Variants in EYS observed in about 807,000 individuals in gnomAD.
EYS encodes EGF-like photoreceptor maintenance factor.
In EYS, 250 loss-of-function variants were observed where a neutral mutation model predicts 282.1. The observed-to-expected ratio is 0.89, with a 90% CI of 0.80 to 0.98. EYS has a LOEUF of 0.98. Ranked by LOEUF, EYS falls within the 50% of genes least tolerant of loss-of-function variation. The pLI, the probability that EYS is intolerant of heterozygous loss-of-function variation, is 0.00. For synonymous variants in EYS, 1,355 were observed against 1,282.9 expected, an observed-to-expected ratio of 1.06 and a Z score of -1.20; for missense variants, 4,016 against 3,709.0, an observed-to-expected ratio of 1.08 and a Z score of -2.15.
intron 28 of EYS, among the ~76,000 whole-genome samples, chr6:64,411,112 G>T (rs1015948409): frequency 2.0e-5 from 3 of 152,036 alleles, no homozygotes; most frequent in Non-Finnish European, 4.4e-5. Flanking sequence ...CTTCCTTAAA[G>T]GGATGTTGAA....
intron 29 of EYS, among the ~76,000 whole-genome samples, chr6:64,374,393 T>C (rs1772497179): frequency 6.6e-6 from 1 of 151,700 alleles, no homozygotes; most frequent in African/African-American, 2.4e-5. Context: ...GTTCTCTGCT[T>C]CAGTGTAGAA....
intron 28 of EYS, among the ~76,000 whole-genome samples, chr6:64,405,459 G>C (rs148584094): frequency 6.6e-6 from 1 of 152,110 alleles, no homozygotes; most frequent in Non-Finnish European, 1.5e-5. Context: ...ATTCAACATA[G>C]TATTAGAAGT....
chr6:65,212,157 A>G (rs1478307643), intron 12 of EYS, among the ~76,000 whole-genome samples: 1 of 152,134 alleles, frequency 6.6e-6, no homozygotes, highest in Non-Finnish European at 1.5e-5. Flanking sequence ...AAAGTTTTGT[A>G]ATAATGCCAT....
chr6:64,720,302 C>A (rs989033943), intron 22 of EYS, among the ~76,000 whole-genome samples: 1 of 152,140 alleles, frequency 6.6e-6, no homozygotes, highest in African/African-American at 2.4e-5. Flanking sequence ...TTCCTGCATC[C>A]TTCTTATGAG....
intron 30 of EYS, among the ~76,000 whole-genome samples, chr6:64,231,940 T>C (rs1380705717): frequency 6.6e-6 from 1 of 152,194 alleles, no homozygotes; most frequent in Admixed American, 6.5e-5. Context: ...TTTTATTTTA[T>C]ACCTTGTCAT....
rs764859034 is a variant in EYS at position 63,781,310 on chromosome 6, A to AT, written c.7724-3131dup. On this transcript the variant is annotated intron_variant, in intron 39 of 42. Coordinates refer to ENST00000503581, the MANE Select transcript of EYS (RefSeq NM_001142800.2). The stretch of plus-strand genomic sequence containing the variant: ...GAAAGTCATTGGTAGCTTGATGGGG[A>AT]TGACATTAAATCTATAAATTACCTT... Among the ~76,000 whole-genome samples, 3 of 152,156 alleles carry AT rather than the reference A, an allele frequency of 2.0e-5. No homozygotes were observed. The South Asian group carries it at 6.2e-4, about 32-fold the overall frequency.
At chr6:64,484,372 A>AT in intron 26 of EYS, among the ~76,000 whole-genome samples, 1 of 151,434 alleles carries the variant, frequency 6.6e-6, no homozygotes, top group East Asian at 1.9e-4. Context: ...AAAAAAAAAA[A>AT]GTAGCTGTTG....
At chr6:65,123,758 CCACACACA>C (rs34701707) in intron 12 of EYS, among the ~76,000 whole-genome samples, 6 of 147,094 alleles carry the variant, frequency 4.1e-5, no homozygotes, top group African/African-American at 1.2e-4. Context: ...ACCCACCCAC[CCACACACA>C]CACACACACA....
intron 12 of EYS, among the ~76,000 whole-genome samples, chr6:65,187,920 C>A (rs1309461613): frequency 1.3e-5 from 2 of 151,528 alleles, no homozygotes; most frequent in Admixed American, 6.6e-5. Context: ...AAACTATGTT[C>A]TTTTTCCTTC....
chr6:64,688,158 A>T, intron 22 of EYS, among the ~76,000 whole-genome samples: 1 of 150,674 alleles, frequency 6.6e-6, no homozygotes, highest in African/African-American at 2.4e-5. Flanking sequence ...AATCTTGTGG[A>T]TCTTTTCAAA....
At chr6:64,289,039 A>T (rs1342264253) in intron 30 of EYS, among the ~76,000 whole-genome samples, 3 of 151,974 alleles carry the variant, frequency 2.0e-5, no homozygotes, top group African/African-American at 7.2e-5. Context: ...CGGGTGCTTC[A>T]TCTAAAATGC....
intron 35 of EYS, among the ~76,000 whole-genome samples, chr6:63,958,729 T>C (rs888459457): frequency 3.3e-5 from 5 of 152,166 alleles, no homozygotes; most frequent in African/African-American, 1.2e-4. Flanking sequence ...GCTAATGACT[T>C]TAAGTTGAAG....
At chr6:64,403,863 G>A (rs773575781) in intron 28 of EYS, among the ~76,000 whole-genome samples, 25 of 152,088 alleles carry the variant, frequency 1.6e-4, no homozygotes, top group South Asian at 4.1e-4. Flanking sequence ...CCTTCAAAAT[G>A]ACATGTGTAA....
Position 65,455,471 on chromosome 6 carries a change from G to A in EYS, c.862+35123C>T, listed in dbSNP as rs142646811. ...CAATTTTAAAGGTGAACAAAATAAA[G>A]AGTTGGATGACTGAAAAGATAAAAT... On this transcript the variant is annotated intron_variant, in intron 5 of 42. Coordinates refer to ENST00000503581, the MANE Select transcript of EYS (RefSeq NM_001142800.2). Among the ~76,000 whole-genome samples the A allele has an allele frequency of 2.0e-3, 304 of 152,036 alleles. 3 individuals are homozygous for A. Among genetic ancestry groups the A allele is most frequent in the African/African-American group, 7.3e-3 (301 of 41,488 alleles).
At chr6:63,772,001 T>C (rs533819570) in intron 40 of EYS, among the ~76,000 whole-genome samples, 3 of 152,272 alleles carry the variant, frequency 2.0e-5, no homozygotes, top group African/African-American at 7.2e-5. Flanking sequence ...GTATTTTCTG[T>C]CCTAGAGCTG....
At chr6:64,590,177 G>T in intron 26 of EYS, 46 bp downstream of exon 26, 1 of 1,447,826 alleles carries the variant, frequency 6.9e-7, no homozygotes, top group Non-Finnish European at 9.2e-7. Flanking sequence ...CTGTAGAAAA[G>T]AAACTCATTT....
intron 11 of EYS, among the ~76,000 whole-genome samples, chr6:65,310,840 C>T (rs1323160006): frequency 6.6e-6 from 1 of 152,146 alleles, no homozygotes; most frequent in Non-Finnish European, 1.5e-5. Flanking sequence ...AAAATAGCAG[C>T]CACTGTCTCT....
At chr6:64,967,947 C>A (rs1284652608) in intron 14 of EYS, among the ~76,000 whole-genome samples, 1 of 152,136 alleles carries the variant, frequency 6.6e-6, no homozygotes, top group Non-Finnish European at 1.5e-5. Flanking sequence ...AAGTACTGTG[C>A]CCAGTTCATC....
chr6:65,068,489 C>A (rs1007698372), intron 12 of EYS, among the ~76,000 whole-genome samples: 1 of 152,004 alleles, frequency 6.6e-6, no homozygotes, highest in Non-Finnish European at 1.5e-5. Context: ...CATGAGGCCA[C>A]TCTTGTGCAA....
Sources: gnomAD v4.1 joint callset for allele counts (sites outside exome capture counted in the v4.1 genomes callset) on GRCh38, gnomAD v4.1.1 for gene constraint, MANE v1.5 for transcripts, NCBI Gene and HGNC (gene_info 2026-07-23, HGNC 2026-07-21) for gene names.